PCLO: variants seen among roughly 807,000 people sequenced by gnomAD.
PCLO encodes piccolo presynaptic cytomatrix protein.
Under a neutral mutation model 427.5 loss-of-function variants are expected in PCLO, and 82 were observed. That is an observed-to-expected ratio of 0.19 (90% CI 0.16 to 0.23). The LOEUF (loss-of-function observed/expected upper bound fraction) is 0.23. Ranked by LOEUF, PCLO falls within the 10% of genes least tolerant of loss-of-function variation. The probability of loss-of-function intolerance (pLI) is 1.00; values close to 1 mark genes in which losing one functional copy is unlikely to be tolerated. For synonymous variants in PCLO, 2,357 were observed against 2,155.4 expected (o/e 1.09, Z -2.59); for missense variants, 6,239 against 6,115.9 (o/e 1.02, Z -0.67).
intron 13 of PCLO, among the ~76,000 whole-genome samples, chr7:82,844,791 A>T (rs994237604): frequency 4.6e-5 from 7 of 152,154 alleles, no homozygotes; most frequent in Non-Finnish European, 1.0e-4. Context: ...CAATAAAAAA[A>T]TTCTTAATAT....
In PCLO at chr7:82,884,881, G is replaced by C. The variant is rs139619521; in HGVS notation, c.13529-5419C>G. On this transcript the variant is annotated intron_variant, in intron 9 of 24. Transcript: ENST00000333891. ...AATAAAATGGTGTAAACTTACATTA[G>C]TGTAAAGCTATGATGTGCTTGATAA... Among the ~76,000 whole-genome samples the C allele has an allele frequency of 2.7e-4, 41 of 152,216 alleles. No individual in the cohort carries two copies. The East Asian group carries it at 7.4e-3, about 27-fold the overall frequency.
chr7:82,865,481 C>T (rs1312038456), intron 10 of PCLO, among the ~76,000 whole-genome samples: 1 of 152,008 alleles, frequency 6.6e-6, no homozygotes, highest in Non-Finnish European at 1.5e-5. Flanking sequence ...GAGCAAGATG[C>T]CGTCTCAGAA....
At chr7:83,071,659 A>C (rs1789819033) in intron 3 of PCLO, among the ~76,000 whole-genome samples, 1 of 152,178 alleles carries the variant, frequency 6.6e-6, no homozygotes, top group African/African-American at 2.4e-5. Flanking sequence ...CACTAATAAT[A>C]CATCATGAAT....
intron 14 of PCLO, among the ~76,000 whole-genome samples, chr7:82,839,949 C>T (rs1002340208): frequency 3.9e-4 from 60 of 151,932 alleles, no homozygotes; most frequent in African/African-American, 1.1e-3. Flanking sequence ...AAAATATCCC[C>T]CAAATTAAGA....
chr7:82,781,122 T>TA (rs1432389923), intron 22 of PCLO, among the ~76,000 whole-genome samples: 13 of 151,922 alleles, frequency 8.6e-5, no homozygotes, highest in South Asian at 4.2e-4. Context: ...AATAAATTAA[T>TA]AAAAAATCAA....
chr7:82,779,021 A>G (rs181640078), intron 22 of PCLO, among the ~76,000 whole-genome samples: 66 of 152,258 alleles, frequency 4.3e-4, no homozygotes, highest in Non-Finnish European at 7.1e-4. Flanking sequence ...TGACATTTAT[A>G]TATTAACTTC....
At chr7:82,992,231 A>G (rs972793526) in intron 3 of PCLO, among the ~76,000 whole-genome samples, 4 of 152,118 alleles carry the variant, frequency 2.6e-5, no homozygotes, top group African/African-American at 9.7e-5. Flanking sequence ...TTTGTTCCAC[A>G]GACTACTACA....
At chr7:82,897,317 G>A (rs1374155255) in intron 9 of PCLO, among the ~76,000 whole-genome samples, 1 of 151,510 alleles carries the variant, frequency 6.6e-6, no homozygotes, top group East Asian at 1.9e-4. Flanking sequence ...CAAAACCATT[G>A]TACAGTTGTT....
At chr7:83,066,127 T>C (rs1269896090) in intron 3 of PCLO, among the ~76,000 whole-genome samples, 3 of 152,278 alleles carry the variant, frequency 2.0e-5, no homozygotes, top group African/African-American at 7.2e-5. Flanking sequence ...TTCTTACATA[T>C]GCTTTTCTAT....
chr7:82,915,513 A>G lies in PCLO; in HGVS notation c.12473T>C (p.Phe4158Ser). Residue 4158 changes from phenylalanine to serine, a missense_variant, in exon 7 of 25, where the codon TTT (phenylalanine) becomes TCT (serine). Phe to Ser is a radical substitution (Grantham distance 155). This residue lies in a region of PCLO where 680 missense variants were observed against 677.3 expected (regional missense o/e 1.00). Coordinates refer to ENST00000333891, the MANE Select transcript of PCLO (RefSeq NM_033026.6). ...YYHADTSYRH[F>S]PKSEKYSISR... ...GATGCTATACTTCTCAGATTTTGGA[A>G]AATGTCTGTAGCTAGTATCAGCATG... The G allele has an allele frequency of 1.2e-6, 2 of 1,613,720 alleles. No homozygotes were observed. Among genetic ancestry groups the G allele is most frequent in the Non-Finnish European group, 1.7e-6 (2 of 1,179,726 alleles).
rs1199490570 is a variant in PCLO at position 82,954,341 on chromosome 7, A to T, written c.6612T>A (p.Asp2204Glu). 1 of 1,613,674 alleles carries T rather than the reference A, an allele frequency of 6.2e-7. No homozygotes were observed. Residue 2204 changes from aspartate (D) to glutamate (E), a missense_variant, in exon 5 of 25, where the codon GAT becomes GAA. Asp to Glu is a conservative substitution (Grantham distance 45). Coordinates refer to ENST00000333891, the MANE Select transcript of PCLO (RefSeq NM_033026.6). ...GCTCTGTATAAACTGTGGTTATGCT[A>T]TCCAGGGTAGTAATGGGTGAAGAGC... ...TDSSSPITTLDSITTVYTEPV... is the reference protein window; with the variant it reads ...TDSSSPITTLESITTVYTEPV...
chr7:83,039,793 T>A (rs1788926962), intron 3 of PCLO, among the ~76,000 whole-genome samples: 1 of 152,142 alleles, frequency 6.6e-6, no homozygotes, highest in Non-Finnish European at 1.5e-5. Context: ...GAGAGCACTG[T>A]CATCTTAAAA....
At chr7:82,792,244 C>A (rs1241649043) in intron 22 of PCLO, among the ~76,000 whole-genome samples, 1 of 151,790 alleles carries the variant, frequency 6.6e-6, no homozygotes, top group Non-Finnish European at 1.5e-5. Context: ...CAAATAATAC[C>A]ATTTTTTTCT....
intron 3 of PCLO, among the ~76,000 whole-genome samples, chr7:82,987,960 A>C (rs1173456792): frequency 1.3e-5 from 2 of 152,140 alleles, no homozygotes; most frequent in South Asian, 2.1e-4. Flanking sequence ...GTGTTTAAAA[A>C]CATGGAGACA....
intron 3 of PCLO, among the ~76,000 whole-genome samples, chr7:82,979,202 TTG>T (rs1276732721): frequency 6.6e-6 from 1 of 152,082 alleles, no homozygotes; most frequent in African/African-American, 2.4e-5. Flanking sequence ...TGAACTTGGT[TTG>T]TGTTTCTTCA....
intron 3 of PCLO, among the ~76,000 whole-genome samples, chr7:83,100,710 G>A (rs530798915): frequency 6.6e-6 from 1 of 152,114 alleles, no homozygotes; most frequent in Admixed American, 6.6e-5. Context: ...TGGGTACTAG[G>A]CTTAATATCT....
intron 22 of PCLO, among the ~76,000 whole-genome samples, chr7:82,791,688 C>A (rs562295396): frequency 6.6e-6 from 1 of 152,110 alleles, no homozygotes; most frequent in African/African-American, 2.4e-5. Context: ...AAACTGGTTC[C>A]TTAAGGGAAA....
chr7:83,009,158 C>T (rs1788019114), intron 3 of PCLO, among the ~76,000 whole-genome samples: 1 of 151,738 alleles, frequency 6.6e-6, no homozygotes, highest in South Asian at 2.1e-4. Context: ...TCTTTCTTGT[C>T]TCCATGCTTA....
chr7:83,137,347 T>C (rs191872731), intron 2 of PCLO, among the ~76,000 whole-genome samples: 69 of 152,366 alleles, frequency 4.5e-4, no homozygotes, highest in Admixed American at 4.1e-3. Context: ...TGAAACGTTA[T>C]ACTTCTGTTT....
Sources: gnomAD v4.1 joint callset for allele counts (sites outside exome capture counted in the v4.1 genomes callset) on GRCh38, gnomAD v4.1.1 for gene constraint, gnomAD v4.1.1 regional missense constraint, MANE v1.5 for transcripts, NCBI Gene and HGNC (gene_info 2026-07-23, HGNC 2026-07-21) for gene names.